Variants in HS3ST5 observed in about 807,000 individuals in gnomAD.
HS3ST5 encodes heparan sulfate-glucosamine 3-sulfotransferase 5, also known as heparan sulfate glucosamine 3-O-sulfotransferase 5.
Under a neutral mutation model 25.4 loss-of-function variants are expected in HS3ST5, and 10 were observed. The observed-to-expected ratio is 0.39, with a 90% CI of 0.24 to 0.67. HS3ST5 has a LOEUF of 0.67. Among genes scored for constraint, HS3ST5 ranks in the 30% least tolerant of loss-of-function variants. The pLI is 0.44. For missense variants in HS3ST5, 324 were observed against 420.7 expected (o/e 0.77, Z 2.01); for synonymous variants, 170 against 162.4 (o/e 1.05, Z -0.36).
At chr6:114,075,299 A>G (rs1562185982) in intron 3 of HS3ST5, among the ~76,000 whole-genome samples, 1 of 152,244 alleles carries the variant, frequency 6.6e-6, no homozygotes, top group African/African-American at 2.4e-5. Flanking sequence ...CTACAAAGGC[A>G]GGATCCGCTG....
intron 2 of HS3ST5, among the ~76,000 whole-genome samples, chr6:114,208,515 G>A (rs1781375206): frequency 6.6e-6 from 1 of 152,056 alleles, no homozygotes; most frequent in Admixed American, 6.6e-5. Context: ...TTCCTAGCTG[G>A]GGGAGAATAG....
intron 1 of HS3ST5, among the ~76,000 whole-genome samples, chr6:114,254,739 G>A (rs150690016): frequency 2.5e-3 from 378 of 152,206 alleles, no homozygotes; most frequent in African/African-American, 8.8e-3. Flanking sequence ...CAAGTGAAAG[G>A]GGTTTCCCCT....
At chr6:114,132,490 A>C (rs1777386175) in intron 3 of HS3ST5, among the ~76,000 whole-genome samples, 1 of 152,320 alleles carries the variant, frequency 6.6e-6, no homozygotes, top group Admixed American at 6.5e-5. Context: ...AATTCAGCCA[A>C]ATACCAGCAG....
intron 3 of HS3ST5, among the ~76,000 whole-genome samples, chr6:114,076,291 G>A (rs907594217): frequency 6.6e-6 from 1 of 152,148 alleles, no homozygotes; most frequent in Non-Finnish European, 1.5e-5. Flanking sequence ...GGCCTGAGAA[G>A]GGATGAGTTC....
At chr6:114,214,156 A>G (rs569118667) in intron 2 of HS3ST5, among the ~76,000 whole-genome samples, 5 of 152,194 alleles carry the variant, frequency 3.3e-5, no homozygotes, top group Non-Finnish European at 5.9e-5. Context: ...CATCTTCCCT[A>G]TAGCATTTAT....
chr6:114,116,114 A>C (rs561286918), intron 3 of HS3ST5: 137 of 152,222 alleles, frequency 9.0e-4, no homozygotes, highest in African/African-American at 2.7e-3. Flanking sequence ...ATTTTTACCC[A>C]CAGGAGTAAA....
intron 1 of HS3ST5, among the ~76,000 whole-genome samples, chr6:114,271,407 T>G (rs1419149590): frequency 6.6e-6 from 1 of 152,036 alleles, no homozygotes; most frequent in African/African-American, 2.4e-5. Context: ...ATTGACAAAT[T>G]CATTTAGAGT....
chr6:114,286,127 TG>T (rs1774330269), intron 1 of HS3ST5, among the ~76,000 whole-genome samples: 1 of 151,920 alleles, frequency 6.6e-6, no homozygotes, highest in South Asian at 2.1e-4. Context: ...ATAATTAACA[TG>T]TAATGCTGTT....
chr6:114,061,907 C>G (rs2114705080), intron 4 of HS3ST5, among the ~76,000 whole-genome samples: 1 of 152,228 alleles, frequency 6.6e-6, no homozygotes, highest in East Asian at 1.9e-4. Flanking sequence ...GAGATTACGC[C>G]ATTGCACTCT....
At chr6:114,175,309 T>A (rs1169603437) in intron 2 of HS3ST5, among the ~76,000 whole-genome samples, 1 of 152,180 alleles carries the variant, frequency 6.6e-6, no homozygotes, top group East Asian at 1.9e-4. Flanking sequence ...CTTATGAATA[T>A]TGTTATTATA....
intron 1 of HS3ST5, among the ~76,000 whole-genome samples, chr6:114,313,659 G>A (rs1308773275): frequency 6.6e-6 from 1 of 152,098 alleles, no homozygotes; most frequent in African/African-American, 2.4e-5. Flanking sequence ...GAGGTGGTGG[G>A]AATTGCCTGC....
intron 3 of HS3ST5, among the ~76,000 whole-genome samples, chr6:114,072,195 G>C (rs1455764717): frequency 1.3e-5 from 2 of 151,896 alleles, no homozygotes; most frequent in Non-Finnish European, 2.9e-5. Flanking sequence ...ATTCTGAGTT[G>C]AGTGTTTAAA....
intron 1 of HS3ST5, chr6:114,239,038 A>T (rs1045135751): frequency 1.3e-5 from 2 of 152,202 alleles, no homozygotes; most frequent in African/African-American, 4.8e-5. Flanking sequence ...CACTCCGTAT[A>T]TTGGACATAA....
chr6:114,286,403 C>T (rs1302653865), intron 1 of HS3ST5, among the ~76,000 whole-genome samples: 3 of 151,946 alleles, frequency 2.0e-5, no homozygotes, highest in Admixed American at 6.6e-5. Context: ...CAGCATTATG[C>T]TTAGTCAACA....
At chr6:114,180,306 T>C (rs1254971192) in intron 2 of HS3ST5, among the ~76,000 whole-genome samples, 1 of 152,150 alleles carries the variant, frequency 6.6e-6, no homozygotes, top group East Asian at 1.9e-4. Flanking sequence ...TCCCAATGTA[T>C]GTCACGCTGG....
At chr6:114,292,886 T>A (rs1388229486) in intron 1 of HS3ST5, among the ~76,000 whole-genome samples, 1 of 152,230 alleles carries the variant, frequency 6.6e-6, no homozygotes, top group Non-Finnish European at 1.5e-5. Flanking sequence ...TAAATCGCTT[T>A]ATATTGTTTT....
intron 2 of HS3ST5, among the ~76,000 whole-genome samples, chr6:114,205,919 AC>A (rs903073409): frequency 4.6e-5 from 7 of 151,836 alleles, no homozygotes; most frequent in African/African-American, 1.4e-4. Context: ...CCCACCCCAA[AC>A]CCCCAACCCT....
intron 3 of HS3ST5, among the ~76,000 whole-genome samples, chr6:114,122,243 C>G (rs1776825642): frequency 6.6e-6 from 1 of 152,182 alleles, no homozygotes; most frequent in Admixed American, 6.5e-5. Flanking sequence ...TGCAGGATAC[C>G]CATATCATCC....
At chr6:114,067,503 T>G (rs1421082427) in intron 3 of HS3ST5, among the ~76,000 whole-genome samples, 1 of 152,210 alleles carries the variant, frequency 6.6e-6, no homozygotes, top group Non-Finnish European at 1.5e-5. Flanking sequence ...TATACTAGGC[T>G]ATTAAACCTA....
Sources: gnomAD v4.1 joint callset for allele counts (sites outside exome capture counted in the v4.1 genomes callset) on GRCh38, gnomAD v4.1.1 for gene constraint, MANE v1.5 for transcripts, NCBI Gene and HGNC (gene_info 2026-07-23, HGNC 2026-07-21) for gene names.